LRRTM4: variants seen among roughly 807,000 people sequenced by gnomAD.
LRRTM4 encodes leucine-rich repeat transmembrane neuronal protein 4.
LRRTM4 carries 25 observed loss-of-function variants against 47.6 expected under a neutral mutation model. The observed-to-expected ratio is 0.53, with a 90% CI of 0.38 to 0.73. LRRTM4 has a LOEUF of 0.73. Among genes scored for constraint, LRRTM4 ranks in the 30% least tolerant of loss-of-function variants. The pLI is 0.00. For missense variants in LRRTM4, 638 were observed against 713.4 expected (o/e 0.89, Z 1.20); for synonymous variants, 311 against 269.5 (o/e 1.15, Z -1.51).
At chr2:76,984,980 G>A (rs1469285960) in intron 3 of LRRTM4, among the ~76,000 whole-genome samples, 1 of 151,954 alleles carries the variant, frequency 6.6e-6, no homozygotes, top group Non-Finnish European at 1.5e-5. Flanking sequence ...GGGAAAATCA[G>A]AGGATAGAAG....
intron 3 of LRRTM4, among the ~76,000 whole-genome samples, chr2:77,417,306 A>G (rs1416563594): frequency 2.6e-5 from 4 of 152,248 alleles, no homozygotes; most frequent in African/African-American, 7.2e-5. Flanking sequence ...ACTGGAAACT[A>G]GTTCAACCAT....
At chr2:76,792,101 A>G (rs1015344991) in intron 3 of LRRTM4, among the ~76,000 whole-genome samples, 1 of 151,852 alleles carries the variant, frequency 6.6e-6, no homozygotes, top group South Asian at 2.1e-4. Context: ...ATAAATGCCC[A>G]TAGTTAGAGA....
intron 3 of LRRTM4, among the ~76,000 whole-genome samples, chr2:76,966,393 T>C (rs1676025121): frequency 6.6e-6 from 1 of 151,376 alleles, no homozygotes; most frequent in Non-Finnish European, 1.5e-5. Context: ...ATGTATTTTT[T>C]GGTCTGTTGT....
At chr2:76,849,794 T>C (rs1331003954) in intron 3 of LRRTM4, among the ~76,000 whole-genome samples, 1 of 152,166 alleles carries the variant, frequency 6.6e-6, no homozygotes, top group Non-Finnish European at 1.5e-5. Flanking sequence ...GTATTTAATA[T>C]AATAGTAAGC....
intron 3 of LRRTM4, among the ~76,000 whole-genome samples, chr2:76,834,094 G>T (rs568313015): frequency 6.6e-6 from 1 of 151,426 alleles, no homozygotes; most frequent in Non-Finnish European, 1.5e-5. Flanking sequence ...TGGCTGGAGT[G>T]CAGTGGCACC....
chr2:76,800,177 G>T (rs1229954855), intron 3 of LRRTM4, among the ~76,000 whole-genome samples: 1 of 147,948 alleles, frequency 6.8e-6, no homozygotes, highest in Non-Finnish European at 1.5e-5. Context: ...AAAGCTGGAG[G>T]CATCACACTC....
At chr2:77,005,184 A>T (rs1053511547) in intron 3 of LRRTM4, among the ~76,000 whole-genome samples, 6 of 152,068 alleles carry the variant, frequency 3.9e-5, no homozygotes, top group Admixed American at 3.9e-4. Context: ...TCACTCTGTC[A>T]CTCAGGCTGG....
intron 3 of LRRTM4, among the ~76,000 whole-genome samples, chr2:76,995,332 C>T (rs1420092629): frequency 6.6e-6 from 1 of 151,974 alleles, no homozygotes; most frequent in Non-Finnish European, 1.5e-5. Context: ...AATGTTTATG[C>T]TTGTGAATTC....
At chr2:77,362,355 A>G (rs1483237374) in intron 3 of LRRTM4, among the ~76,000 whole-genome samples, 2 of 152,168 alleles carry the variant, frequency 1.3e-5, no homozygotes, top group African/African-American at 4.8e-5. Flanking sequence ...CCTAAGTAAG[A>G]TAAAGTACAT....
At position 76,957,930 on chromosome 2, in the gene LRRTM4, ATG is replaced by A. The variant is rs201976356; in HGVS notation, c.1552-209016_1552-209015del. 1.3e-4 allele frequency among the ~76,000 whole-genome samples: 20 copies of A among 151,370 alleles called. No homozygotes were observed. The East Asian group carries it at 1.4e-3, about 10-fold the overall frequency. ...TATGTGTTTGTGTGTGTGTATATAT[ATG>A]TGTGTGTGTATATATATTTATATAT... On this transcript the variant is annotated intron_variant, in intron 3 of 3. Coordinates refer to ENST00000409884, the MANE Select transcript of LRRTM4 (RefSeq NM_001134745.3).
intron 3 of LRRTM4, among the ~76,000 whole-genome samples, chr2:77,456,882 A>G (rs1676566429): frequency 6.7e-6 from 1 of 149,644 alleles, no homozygotes; most frequent in Non-Finnish European, 1.5e-5. Context: ...CCAACTCTAC[A>G]TTTCTTTGAT....
At chr2:77,055,770 G>A (rs988473695) in intron 3 of LRRTM4, among the ~76,000 whole-genome samples, 3 of 151,822 alleles carry the variant, frequency 2.0e-5, no homozygotes, top group Non-Finnish European at 4.4e-5. Flanking sequence ...ATTCACAATA[G>A]CAAAGACTTG....
intron 3 of LRRTM4, among the ~76,000 whole-genome samples, chr2:76,825,367 G>C (rs1671163991): frequency 6.6e-6 from 1 of 151,634 alleles, no homozygotes; most frequent in African/African-American, 2.4e-5. Flanking sequence ...CAGGGAAATG[G>C]TGTGATTCAG....
intron 3 of LRRTM4, among the ~76,000 whole-genome samples, chr2:77,122,752 A>T (rs1671552708): frequency 6.6e-6 from 1 of 151,890 alleles, no homozygotes; most frequent in Admixed American, 6.6e-5. Flanking sequence ...ACATCATGCA[A>T]ATAAAAAGCT....
intron 3 of LRRTM4, among the ~76,000 whole-genome samples, chr2:76,863,344 A>G (rs1558699689): frequency 6.6e-6 from 1 of 152,122 alleles, no homozygotes; most frequent in Non-Finnish European, 1.5e-5. Flanking sequence ...AATTTTTTGG[A>G]TTCTTAATAT....
chr2:77,041,551 T>C (rs1679035057), intron 3 of LRRTM4, among the ~76,000 whole-genome samples: 3 of 151,532 alleles, frequency 2.0e-5, no homozygotes. Flanking sequence ...AATTTGCCCT[T>C]CTCCACATCC....
intron 3 of LRRTM4, among the ~76,000 whole-genome samples, chr2:77,043,559 A>G (rs1679110455): frequency 6.6e-6 from 1 of 151,804 alleles, no homozygotes; most frequent in East Asian, 1.9e-4. Flanking sequence ...AATTTAAGTT[A>G]TAATCAACAA....
At chr2:76,997,915 T>C in intron 3 of LRRTM4, among the ~76,000 whole-genome samples, 1 of 151,806 alleles carries the variant, frequency 6.6e-6, no homozygotes, top group South Asian at 2.1e-4. Flanking sequence ...ATGTGAGGGA[T>C]CTAGGTTGCA....
intron 3 of LRRTM4, among the ~76,000 whole-genome samples, chr2:76,991,135 C>A (rs1676992727): frequency 6.6e-6 from 1 of 151,680 alleles, no homozygotes. Context: ...CCCTGGGATG[C>A]AACATAGGCA....
Sources: gnomAD v4.1 joint callset for allele counts (sites outside exome capture counted in the v4.1 genomes callset) on GRCh38, gnomAD v4.1.1 for gene constraint, MANE v1.5 for transcripts, NCBI Gene and HGNC (gene_info 2026-07-23, HGNC 2026-07-21) for gene names.